The following NOL10 variants were observed in gnomAD, a reference collection of about 807,000 sequenced individuals.
The protein encoded by NOL10 is nucleolar protein 10.
In NOL10, 58 loss-of-function variants were observed where a neutral mutation model predicts 103.5. That is an observed-to-expected ratio of 0.56 (90% CI 0.45 to 0.70). The LOEUF is 0.70. Ranked by LOEUF, NOL10 falls within the 30% of genes least tolerant of loss-of-function variation. The pLI is 0.00. For synonymous variants in NOL10, 287 were observed against 282.5 expected, an observed-to-expected ratio of 1.02 and a Z score of -0.16; for missense variants, 763 against 807.3, an observed-to-expected ratio of 0.95 and a Z score of 0.67.
chr2:10,662,973 G>C lies in NOL10; in HGVS notation c.663C>G (p.Val221=), dbSNP rs780859568. Reference sequence around the variant, plus strand: ...TTTCTACTTACTCTGAATCTGCTGTGACACTGTTTAAGGCGCAGTCTAACA... The same window carrying C: ...TTTCTACTTACTCTGAATCTGCTGTCACACTGTTTAAGGCGCAGTCTAACA... ...VGLLDCALNS[V]TADSEINSLP... is the part of the protein sequence containing the mutation. The change falls in exon 9 of 21, where the codon GTC becomes GTG. Residue 221 remains valine, a synonymous_variant. Transcript: ENST00000381685. The C allele has an allele frequency of 6.2e-7, 1 of 1,613,196 alleles. No individual in the cohort carries two copies. Among genetic ancestry groups the C allele is most frequent in the Non-Finnish European group, 8.5e-7 (1 of 1,179,220 alleles).
At chr2:10,636,681 T>C (rs1349766013) in intron 13 of NOL10, among the ~76,000 whole-genome samples, 2 of 151,550 alleles carry the variant, frequency 1.3e-5, no homozygotes. Context: ...CTTTGGAAAA[T>C]TATGCCAAAA....
chr2:10,629,935 A>G (rs1677728200), intron 13 of NOL10, among the ~76,000 whole-genome samples: 1 of 152,136 alleles, frequency 6.6e-6, no homozygotes, highest in Non-Finnish European at 1.5e-5. Flanking sequence ...CTACAAATGC[A>G]TACCACCATG....
At chr2:10,650,310 A>G (rs60552448) in intron 12 of NOL10, among the ~76,000 whole-genome samples, 1 of 151,420 alleles carries the variant, frequency 6.6e-6, no homozygotes, top group African/African-American at 2.4e-5. Flanking sequence ...ACAGGCGCAC[A>G]GTGCCACTGC....
At position 10,654,657 on chromosome 2, in the gene NOL10, T is replaced by C. The variant is rs1413772245; in HGVS notation, c.907-110A>G. 1.1e-5 allele frequency: 6 copies of C among 536,240 alleles called. No homozygotes were observed. The East Asian group carries it at 1.6e-4, about 14-fold the overall frequency. 33.2% of individuals were successfully genotyped at this position (536,240 alleles called of 1,614,324 possible). A position where few individuals can be genotyped will look rare whatever the true frequency, so the allele number is the denominator to read the frequency against. ...TCTACTCCTATGTAAAGAAATAAAA[T>C]AGCCTACTTCAAATACAAAATTTAA... On this transcript the variant is annotated intron_variant, in intron 11 of 20. Coordinates refer to ENST00000381685, the MANE Select transcript of NOL10 (RefSeq NM_024894.4).
At chr2:10,658,286 G>A (rs1451795230) in intron 10 of NOL10, among the ~76,000 whole-genome samples, 1 of 152,204 alleles carries the variant, frequency 6.6e-6, no homozygotes, top group African/African-American at 2.4e-5. Flanking sequence ...GATGGTGGTG[G>A]CAAGGCTATG....
intron 11 of NOL10, among the ~76,000 whole-genome samples, chr2:10,656,106 A>AGTCT (rs1408466170): frequency 6.6e-6 from 1 of 152,254 alleles, no homozygotes; most frequent in African/African-American, 2.4e-5. Flanking sequence ...GATTGCTAAC[A>AGTCT]GTCTTTCCCT....
At chr2:10,680,285 G>T (rs961287862) in intron 3 of NOL10, among the ~76,000 whole-genome samples, 67 of 135,200 alleles carry the variant, frequency 5.0e-4, no homozygotes, top group African/African-American at 1.8e-3. Flanking sequence ...AAAAGAAGGA[G>T]AAGAAGGAGA....
intron 3 of NOL10, among the ~76,000 whole-genome samples, chr2:10,676,499 G>C (rs956778254): frequency 1.3e-5 from 2 of 152,358 alleles, no homozygotes; most frequent in East Asian, 3.9e-4. Context: ...GCAGACCTCA[G>C]TAGTAACCAT....
intron 13 of NOL10, among the ~76,000 whole-genome samples, chr2:10,641,134 A>G (rs907111121): frequency 5.9e-5 from 9 of 151,472 alleles, no homozygotes; most frequent in South Asian, 2.1e-4. Flanking sequence ...CAGCCTGACC[A>G]ACATGGTGAA....
intron 19 of NOL10, among the ~76,000 whole-genome samples, chr2:10,588,062 T>C (rs1464339848): frequency 6.6e-6 from 1 of 152,172 alleles, no homozygotes; most frequent in Non-Finnish European, 1.5e-5. Flanking sequence ...TGTGCATCAA[T>C]ACTTTGCCTA....
intron 3 of NOL10, among the ~76,000 whole-genome samples, chr2:10,680,145 C>T (rs1158903494): frequency 7.2e-5 from 11 of 151,876 alleles, no homozygotes; most frequent in Non-Finnish European, 1.3e-4. Flanking sequence ...GGTGTGGTGG[C>T]GAGCACCTGT....
chr2:10,636,440 A>AAAAAAAAAAAAC (rs1678229653), intron 13 of NOL10, among the ~76,000 whole-genome samples: 1 of 150,262 alleles, frequency 6.7e-6, no homozygotes, highest in Non-Finnish European at 1.5e-5. Flanking sequence ...AAAAAAAAAA[A>AAAAAAAAAAAAC]AAAAAACACC....
At position 10,571,197 on chromosome 2, in the gene NOL10, C is replaced by T. The variant is rs1200608356; in HGVS notation, c.*874G>A. ...ACTGAAACATGGGGGCAGACTTCCC[C>T]CTTGCTATTCTGTGTTAGTGAGTTC... On this transcript the variant is annotated 3_prime_UTR_variant, in exon 21 of 21. Transcript: ENST00000381685. 3 of 152,054 alleles carry T rather than the reference C, an allele frequency of 2.0e-5. No individual in the cohort carries two copies. The highest frequency in any genetic ancestry group is 7.2e-5 in the African/African-American group (3 of 41,408). The allele number at this position is 152,054 out of a possible 1,614,324, so 9.4% of individuals were successfully genotyped here. A position where few individuals can be genotyped will look rare whatever the true frequency, so the allele number is the denominator to read the frequency against.
chr2:10,685,669 G>A (rs1297633718), intron 1 of NOL10, among the ~76,000 whole-genome samples: 1 of 152,010 alleles, frequency 6.6e-6, no homozygotes, highest in Non-Finnish European at 1.5e-5. Flanking sequence ...GTGTGATGGA[G>A]CTGAAAATGA....
intron 9 of NOL10, 93 bp from the exon 10 acceptor site, chr2:10,659,343 G>GA (rs1491169596): frequency 1.1e-4 from 4 of 35,376 alleles, no homozygotes; most frequent in Non-Finnish European, 1.9e-4. Context: ...AAATCTAATG[G>GA]GGGGGGGGGG....
At chr2:10,681,431 T>C (rs6432130) in intron 3 of NOL10, among the ~76,000 whole-genome samples, 80,824 of 151,954 alleles carry the variant, frequency 0.53, 21,878 homozygotes, top group Middle Eastern at 0.64. Context: ...CTTGTCTATA[T>C]TGAAAAAAAA....
At chr2:10,611,974 C>G (rs534886633) in intron 13 of NOL10, among the ~76,000 whole-genome samples, 28 of 151,936 alleles carry the variant, frequency 1.8e-4, no homozygotes, top group African/African-American at 6.5e-4. Context: ...TTAAAATTAG[C>G]TGGGCATGAT....
At chr2:10,595,915 T>C (rs78405920) in intron 17 of NOL10, among the ~76,000 whole-genome samples, 1 of 152,246 alleles carries the variant, frequency 6.6e-6, no homozygotes, top group East Asian at 1.9e-4. Flanking sequence ...TTAGGCACTG[T>C]GCCCAGACTG....
intron 8 of NOL10, among the ~76,000 whole-genome samples, chr2:10,663,815 T>A (rs1483963758): frequency 6.6e-6 from 1 of 151,828 alleles, no homozygotes; most frequent in Non-Finnish European, 1.5e-5. Flanking sequence ...CCGGGCATGG[T>A]GGCGGGCGCT....
Sources: gnomAD v4.1 joint callset for allele counts (sites outside exome capture counted in the v4.1 genomes callset) on GRCh38, gnomAD v4.1.1 for gene constraint, MANE v1.5 for transcripts, NCBI Gene and HGNC (gene_info 2026-07-23, HGNC 2026-07-21) for gene names.